MRPS27: variants seen among roughly 807,000 people sequenced by gnomAD.
The protein encoded by MRPS27 is small ribosomal subunit protein mS27.
In MRPS27, 43 loss-of-function variants were observed where a neutral mutation model predicts 48.9. That is an observed-to-expected ratio of 0.88 (90% CI 0.69 to 1.13). MRPS27 has a LOEUF of 1.13. Ranked by LOEUF, MRPS27 falls within the 50% of genes most tolerant of loss-of-function variation. The pLI is 0.00. For synonymous variants in MRPS27, 188 were observed against 171.9 expected, an observed-to-expected ratio of 1.09 and a Z score of -0.73; for missense variants, 467 against 476.3, an observed-to-expected ratio of 0.98 and a Z score of 0.18.
chr5:72,308,417 C>T (rs1191588550), intron 2 of MRPS27, among the ~76,000 whole-genome samples: 3 of 152,230 alleles, frequency 2.0e-5, no homozygotes, highest in African/African-American at 4.8e-5. Context: ...CCTCCTCCGT[C>T]CCCCAATCAG....
At chr5:72,252,212 G>T (rs58564179) in intron 4 of MRPS27, among the ~76,000 whole-genome samples, 1,661 of 152,270 alleles carry the variant, frequency 0.011, 29 homozygotes, top group African/African-American at 0.038. Context: ...ATTATCTCAA[G>T]GGTTTTTCAC....
At chr5:72,265,664 C>A (rs1018954475) in intron 4 of MRPS27, among the ~76,000 whole-genome samples, 2 of 152,132 alleles carry the variant, frequency 1.3e-5, no homozygotes, top group African/African-American at 4.8e-5. Flanking sequence ...TTCTTTATCA[C>A]CTCAATAAAG....
intron 4 of MRPS27, among the ~76,000 whole-genome samples, chr5:72,244,636 C>CTATA (rs1748457551): frequency 6.6e-6 from 1 of 152,060 alleles, no homozygotes. Flanking sequence ...GCATGGTGAT[C>CTATA]TATATTCTTT....
chr5:72,262,149 T>C (rs930516096), intron 4 of MRPS27, among the ~76,000 whole-genome samples: 5 of 152,220 alleles, frequency 3.3e-5, no homozygotes, highest in Non-Finnish European at 7.3e-5. Flanking sequence ...TTTAACTCTC[T>C]GGCGAGCTAT....
intron 4 of MRPS27, among the ~76,000 whole-genome samples, chr5:72,263,371 G>T (rs1256630612): frequency 6.6e-6 from 1 of 151,776 alleles, no homozygotes; most frequent in African/African-American, 2.4e-5. Flanking sequence ...TTTAGCAATG[G>T]ATTTTTAGAT....
rs1015052796 is a variant in MRPS27, at chr5:72,220,749, C to T, written c.*160G>A. On this transcript the variant is annotated 3_prime_UTR_variant, in exon 11 of 11. Transcript: ENST00000261413. The stretch of plus-strand genomic sequence containing the variant: ...AGTTCCATAGCCCTTCTTGGCATCT[C>T]GATGGGCAGTCATGGTGCCTTGCCA... The T allele has an allele frequency of 2.9e-5, 31 of 1,068,384 alleles. No individual in the cohort carries two copies. The highest frequency in any genetic ancestry group is 6.4e-5 in the African/African-American group (4 of 62,942). The allele number at this position is 1,068,384 out of a possible 1,614,324, so 66.2% of individuals were successfully genotyped here.
At chr5:72,237,398 C>T (rs1291459132) in intron 5 of MRPS27, among the ~76,000 whole-genome samples, 4 of 152,100 alleles carry the variant, frequency 2.6e-5, no homozygotes, top group Non-Finnish European at 5.9e-5. Context: ...AATCAGTATT[C>T]CTTTTCAGTG....
At chr5:72,260,092 T>C (rs1168150454) in intron 4 of MRPS27, among the ~76,000 whole-genome samples, 3 of 152,200 alleles carry the variant, frequency 2.0e-5, no homozygotes, top group Non-Finnish European at 2.9e-5. Context: ...AAACAACCAA[T>C]GCTATAATTA....
At chr5:72,308,301 A>C (rs1750336503) in intron 2 of MRPS27, among the ~76,000 whole-genome samples, 1 of 152,220 alleles carries the variant, frequency 6.6e-6, no homozygotes, top group East Asian at 1.9e-4. Flanking sequence ...GGCACGGCTC[A>C]GGGGAGACGG....
intron 2 of MRPS27, among the ~76,000 whole-genome samples, chr5:72,310,411 T>C (rs956261645): frequency 8.0e-5 from 12 of 149,868 alleles, no homozygotes; most frequent in African/African-American, 3.0e-4. Flanking sequence ...AAGAGGGGGG[T>C]GGGGGAAAAT....
At chr5:72,317,618 T>C (rs1353294181) in intron 1 of MRPS27, among the ~76,000 whole-genome samples, 1 of 152,156 alleles carries the variant, frequency 6.6e-6, no homozygotes, top group African/African-American at 2.4e-5. Context: ...CCTCAGGTGA[T>C]CCACCCACCT....
In MRPS27 at chr5:72,223,838, C is replaced by G; in HGVS notation, c.850G>C (p.Gly284Arg). ...GAAGTCAGAGCCTTCAGCACTGCACCCAGCACATCGAGCTGTGGAGCAGAA... is the reference window on the plus strand; with the variant it reads ...GAAGTCAGAGCCTTCAGCACTGCACGCAGCACATCGAGCTGTGGAGCAGAA... ...KLCREALDVLGAVLKALTSAD... is the reference protein window; with the variant it reads ...KLCREALDVLRAVLKALTSAD... Residue 284 changes from glycine (G) to arginine (R), a missense_variant, in exon 10 of 11, where the codon GGT becomes CGT. By Grantham distance (125) the Gly-to-Arg change is moderately radical (BLOSUM62 -2). Coordinates refer to ENST00000261413, the MANE Select transcript of MRPS27 (RefSeq NM_015084.3). 1.9e-6 allele frequency: 3 copies of G among 1,613,704 alleles called. No homozygotes were observed. Among genetic ancestry groups the G allele is most frequent in the Non-Finnish European group, 1.7e-6 (2 of 1,179,796 alleles).
chr5:72,232,407 A>G (rs989805992), intron 7 of MRPS27, 36 bp downstream of exon 7: 6 of 1,526,616 alleles, frequency 3.9e-6, no homozygotes, highest in Non-Finnish European at 5.4e-6. Context: ...TGCCTTTTCT[A>G]AAGTTCTTAA....
intron 4 of MRPS27, among the ~76,000 whole-genome samples, chr5:72,248,107 A>G (rs1748554573): frequency 6.6e-6 from 1 of 152,220 alleles, no homozygotes; most frequent in African/African-American, 2.4e-5. Context: ...ACTCAGTATG[A>G]CTATAATACA....
intron 4 of MRPS27, among the ~76,000 whole-genome samples, chr5:72,261,712 T>C (rs1748982570): frequency 1.3e-5 from 2 of 152,222 alleles, no homozygotes; most frequent in African/African-American, 4.8e-5. Flanking sequence ...CTGTACCATG[T>C]AATGTTATGT....
At chr5:72,234,022 T>C in intron 6 of MRPS27, 97 bp downstream of exon 6, 2 of 1,275,146 alleles carry the variant, frequency 1.6e-6, no homozygotes, top group Non-Finnish European at 2.0e-6. Flanking sequence ...TGAAGAGATG[T>C]TATTAAGAAA....
At chr5:72,228,073 C>T in intron 8 of MRPS27, 193 bp downstream of exon 8, 1 of 571,074 alleles carries the variant, frequency 1.8e-6, no homozygotes. Flanking sequence ...CCAGTGATGG[C>T]AGGTTTTAAG....
chr5:72,302,815 T>A (rs1238432021), intron 2 of MRPS27, among the ~76,000 whole-genome samples: 1 of 152,092 alleles, frequency 6.6e-6, no homozygotes, highest in Admixed American at 6.5e-5. Context: ...TGTTCAGAGA[T>A]CCTCAGGTAA....
At chr5:72,226,289 C>A (rs1580051835) in intron 8 of MRPS27, 90 bp from the exon 9 acceptor site, 14 of 1,489,900 alleles carry the variant, frequency 9.4e-6, no homozygotes, top group African/African-American at 8.3e-5. Context: ...TGAATGTTCA[C>A]CTGGCAGCAC....
Sources: gnomAD v4.1 joint callset for allele counts (sites outside exome capture counted in the v4.1 genomes callset) on GRCh38, gnomAD v4.1.1 for gene constraint, MANE v1.5 for transcripts, NCBI Gene and HGNC (gene_info 2026-07-23, HGNC 2026-07-21) for gene names.